AAK1: variants seen among roughly 807,000 people sequenced by gnomAD.
AAK1 encodes the protein AP2-associated protein kinase 1.
A neutral mutation model predicts 116.0 loss-of-function variants in AAK1; 37 were observed. The ratio of observed to expected loss-of-function variants is 0.32; its 90% CI spans 0.25 to 0.42. AAK1 has a LOEUF of 0.42. Among genes scored for constraint, AAK1 ranks in the 10% least tolerant of loss-of-function variants. The pLI is 1.00. For missense variants in AAK1, 919 were observed against 1,170.6 expected, an observed-to-expected ratio of 0.79 and a Z score of 3.14; for synonymous variants, 458 against 439.9, an observed-to-expected ratio of 1.04 and a Z score of -0.51.
At chr2:69,619,845 T>C (rs1314224180) in intron 2 of AAK1, among the ~76,000 whole-genome samples, 1 of 152,064 alleles carries the variant, frequency 6.6e-6, no homozygotes, top group African/African-American at 2.4e-5. Context: ...AGGAAGCCAG[T>C]ATGGATAGAG....
At chr2:69,585,631 C>T (rs1672732342) in intron 2 of AAK1, among the ~76,000 whole-genome samples, 2 of 152,126 alleles carry the variant, frequency 1.3e-5, no homozygotes, top group South Asian at 4.1e-4. Context: ...TAAAGGCAGC[C>T]TTGAGTTCTA....
In AAK1 at chr2:69,643,642, C is replaced by T; in HGVS notation, c.-302G>A. ...ACATTGTCACGGCCGCCGGGCCGGCCTGCGACGCAGAGAAGAGGCGGCGCT... is the reference window on the plus strand; with the variant it reads ...ACATTGTCACGGCCGCCGGGCCGGCTTGCGACGCAGAGAAGAGGCGGCGCT... On this transcript the variant is annotated 5_prime_UTR_variant, in exon 1 of 22. Coordinates refer to ENST00000409085, the MANE Select transcript of AAK1 (RefSeq NM_014911.5). The T allele has an allele frequency of 8.1e-7, 1 of 1,227,794 alleles. No individual in the cohort carries two copies. The highest frequency in any genetic ancestry group is 1.0e-6 in the Non-Finnish European group (1 of 985,474). The allele number at this position is 1,227,794 out of a possible 1,614,324, so 76.1% of individuals were successfully genotyped here.
At chr2:69,514,893 A>C in intron 12 of AAK1, 144 bp from the exon 13 acceptor site, 14 of 871,202 alleles carry the variant, frequency 1.6e-5, no homozygotes, top group Non-Finnish European at 2.2e-5. Flanking sequence ...CTAAAATCTC[A>C]TGATAGAGAC....
intron 2 of AAK1, among the ~76,000 whole-genome samples, chr2:69,604,480 G>A (rs1259253088): frequency 6.6e-6 from 1 of 152,054 alleles, no homozygotes; most frequent in African/African-American, 2.4e-5. Flanking sequence ...ACCTCCAAAT[G>A]CTCATTGCTA....
chr2:69,589,044 G>C (rs945773032), intron 2 of AAK1, among the ~76,000 whole-genome samples: 2 of 152,208 alleles, frequency 1.3e-5, no homozygotes, highest in Non-Finnish European at 2.9e-5. Flanking sequence ...TCTTCTTTCA[G>C]AGCCTGATCA....
At chr2:69,636,575 T>A (rs1454934163) in intron 2 of AAK1, among the ~76,000 whole-genome samples, 1 of 152,218 alleles carries the variant, frequency 6.6e-6, no homozygotes, top group African/African-American at 2.4e-5. Context: ...CCAGAACTTG[T>A]GATGATGAAA....
At chr2:69,498,786 A>C (rs555033810) in intron 16 of AAK1, among the ~76,000 whole-genome samples, 2 of 151,840 alleles carry the variant, frequency 1.3e-5, no homozygotes, top group East Asian at 3.9e-4. Flanking sequence ...ACCTGCTTTC[A>C]CTCCAGAGGC....
At chr2:69,491,816 C>T (rs1283285032) in intron 17 of AAK1, among the ~76,000 whole-genome samples, 2 of 152,166 alleles carry the variant, frequency 1.3e-5, no homozygotes, top group Admixed American at 6.5e-5. Flanking sequence ...AGGATAAGAA[C>T]ACACAATTTA....
At chr2:69,507,797 C>T (rs563283434) in intron 14 of AAK1, among the ~76,000 whole-genome samples, 6 of 151,698 alleles carry the variant, frequency 4.0e-5, no homozygotes, top group Non-Finnish European at 7.4e-5. Flanking sequence ...ACCTCCGTCT[C>T]CCAGGTTCAA....
chr2:69,476,649 A>C (rs1376134174), intron 21 of AAK1, among the ~76,000 whole-genome samples: 1 of 152,192 alleles, frequency 6.6e-6, no homozygotes, highest in African/African-American at 2.4e-5. Flanking sequence ...CATGGTAAAA[A>C]CTAACTTTTG....
chr2:69,617,069 G>A (rs898672080), intron 2 of AAK1, among the ~76,000 whole-genome samples: 2 of 152,066 alleles, frequency 1.3e-5, no homozygotes, highest in East Asian at 1.9e-4. Context: ...TTAAGGTATA[G>A]GTCAAGGAAA....
chr2:69,618,228 A>G (rs527775712), intron 2 of AAK1, among the ~76,000 whole-genome samples: 3 of 152,044 alleles, frequency 2.0e-5, no homozygotes, highest in African/African-American at 4.8e-5. Flanking sequence ...AAAATTAAAT[A>G]TAAGTAGAGA....
chr2:69,589,495 G>A (rs1345065637), intron 2 of AAK1, among the ~76,000 whole-genome samples: 2 of 151,982 alleles, frequency 1.3e-5, no homozygotes, highest in Admixed American at 6.6e-5. Context: ...GATCACCAGA[G>A]GTCAGGAGTT....
intron 3 of AAK1, among the ~76,000 whole-genome samples, chr2:69,545,337 CCAAGTAATTAA>C (rs1381247629): frequency 1.3e-5 from 2 of 152,108 alleles, no homozygotes; most frequent in Non-Finnish European, 2.9e-5. Flanking sequence ...ATATTCAAAA[CCAAGTAATTAA>C]GAAGTAAGTT....
At chr2:69,611,917 T>C (rs148860101) in intron 2 of AAK1, among the ~76,000 whole-genome samples, 3 of 152,342 alleles carry the variant, frequency 2.0e-5, no homozygotes, top group Non-Finnish European at 4.4e-5. Flanking sequence ...CACTCTATGA[T>C]TCCATTTTAG....
At chr2:69,609,606 G>C (rs1385921084) in intron 2 of AAK1, among the ~76,000 whole-genome samples, 7 of 152,168 alleles carry the variant, frequency 4.6e-5, no homozygotes, top group Admixed American at 4.6e-4. Flanking sequence ...AGAGGTTGCA[G>C]TGAGCCGAGA....
At chr2:69,616,726 C>T (rs1674346963) in intron 2 of AAK1, among the ~76,000 whole-genome samples, 1 of 152,158 alleles carries the variant, frequency 6.6e-6, no homozygotes, top group African/African-American at 2.4e-5. Context: ...GGCAAAACAG[C>T]CACAATTGAG....
rs70954350 is a variant in AAK1 at position 69,553,437 on chromosome 2, G to GTTTTTTTTT, written c.282+3414_282+3422dup. Among the ~76,000 whole-genome samples the GTTTTTTTTT allele has an allele frequency of 2.6e-4, 21 of 79,598 alleles. 2 individuals carry two copies. Among genetic ancestry groups the GTTTTTTTTT allele is most frequent in the African/African-American group, 1.0e-3 (19 of 18,908 alleles). 52.2% of individuals were successfully genotyped at this position (79,598 alleles called of 152,430 possible). On this transcript the variant is annotated intron_variant, in intron 3 of 21. Coordinates refer to ENST00000409085, the MANE Select transcript of AAK1 (RefSeq NM_014911.5). ...AAAGATACTTCTAGAATTGAAAGTTGTTTTTTTTTTTTTTTTTTTTTTTTT... is the reference window on the plus strand; with the variant it reads ...AAAGATACTTCTAGAATTGAAAGTTGTTTTTTTTTTTTTTTTTTTTTTTTTTTTTTTTTT...
Position 69,642,970 on chromosome 2 carries a change from C to T in AAK1, c.71G>A (p.Gly24Glu). ...ACTGCCCAGGCCCGAGGTGCTGCCC[C>T]CTCCTCCGCTGGAGCCGGAGCCCAG... ...SGLGSGSSGG[G>E]GSTSGLGSGY... Residue 24 changes from glycine (G) to glutamate (E), a missense_variant, in exon 2 of 22, where the codon GGG (glycine) becomes GAG (glutamate). By Grantham distance (98) the Gly-to-Glu change is moderately conservative. Around this residue, in one of 4 missense-constraint regions of AAK1, gnomAD observed 317 missense variants for 490.4 expected, o/e 0.65. Transcript: ENST00000409085. 2 of 1,613,230 alleles carry T rather than the reference C, an allele frequency of 1.2e-6. No homozygotes were observed. The highest frequency in any genetic ancestry group is 1.7e-6 in the Non-Finnish European group (2 of 1,179,654).
Sources: gnomAD v4.1 joint callset for allele counts (sites outside exome capture counted in the v4.1 genomes callset) on GRCh38, gnomAD v4.1.1 for gene constraint, gnomAD v4.1.1 regional missense constraint, MANE v1.5 for transcripts, NCBI Gene and HGNC (gene_info 2026-07-23, HGNC 2026-07-21) for gene names.